Variants in IYD observed in about 807,000 individuals in gnomAD.
IYD encodes iodotyrosine deiodinase.
A neutral mutation model predicts 28.4 loss-of-function variants in IYD; 25 were observed. The observed-to-expected ratio is 0.88, with a 90% CI of 0.64 to 1.23. The LOEUF (loss-of-function observed/expected upper bound fraction) is 1.23. Ranked by LOEUF, IYD falls within the 50% of genes most tolerant of loss-of-function variation. IYD has a pLI of 0.00. For synonymous variants in IYD, 140 were observed against 130.8 expected, an observed-to-expected ratio of 1.07 and a Z score of -0.48; for missense variants, 352 against 357.9, an observed-to-expected ratio of 0.98 and a Z score of 0.13.
intron 2 of IYD, among the ~76,000 whole-genome samples, chr6:150,390,441 T>C (rs574949473): frequency 1.3e-5 from 2 of 152,322 alleles, no homozygotes; most frequent in African/African-American, 4.8e-5. Context: ...TGTTTAGAGA[T>C]ACAAATATTT....
In IYD at chr6:150,392,437, G is replaced by A; in HGVS notation, c.463G>A (p.Glu155Lys). The change falls in exon 3 of 5, where the codon GAG becomes AAG. Residue 155 changes from glutamate (E) to lysine (K), a missense_variant. Transcript: ENST00000344419. The stretch of plus-strand genomic sequence containing the variant: ...GCACAAGATTCGAAAGATCATTGAG[G>A]AGGAAGAGGAGATCAACTACATGAA... The part of the protein sequence containing the change: ...VKHKIRKIIE[E>K]EEEINYMKRM... The A allele has an allele frequency of 1.9e-6, 3 of 1,613,984 alleles. No homozygotes were observed. The East Asian group carries it at 6.7e-5, about 36-fold the overall frequency.
chr6:150,388,639 CTTTCTTTCT>C (rs1367479781), intron 1 of IYD, among the ~76,000 whole-genome samples: 2 of 48,706 alleles, frequency 4.1e-5, no homozygotes, highest in African/African-American at 1.0e-4. Flanking sequence ...TGCTTTCTTT[CTTTCTTTCT>C]TTCTTTCTTT....
chr6:150,398,194 A>C lies in IYD; in HGVS notation c.827A>C (p.Asp276Ala). The C allele has an allele frequency of 6.2e-7, 1 of 1,614,066 alleles. No homozygotes were observed. Among genetic ancestry groups the C allele is most frequent in the Non-Finnish European group, 8.5e-7 (1 of 1,180,000 alleles). Residue 276 changes from aspartate to alanine, a missense_variant, in exon 5 of 5, where the codon GAC (aspartate) becomes GCC (alanine). Coordinates refer to ENST00000344419, the MANE Select transcript of IYD (RefSeq NM_203395.3). Reference sequence around the variant, plus strand: ...CCCAGCAAGGAGGCCACGGTGCCTGACCTCAAGCGCAAACCTCTGGACCAG... The same window carrying C: ...CCCAGCAAGGAGGCCACGGTGCCTGCCCTCAAGCGCAAACCTCTGGACCAG... ...GYPSKEATVP[D>A]LKRKPLDQIM...
intron 1 of IYD, chr6:150,369,976 T>C (rs1216729801): frequency 1.4e-6 from 1 of 702,098 alleles, no homozygotes; most frequent in Non-Finnish European, 2.6e-6. Flanking sequence ...GGGAAGGTTA[T>C]GGCCACCTTG....
At chr6:150,369,905 G>C (rs1453640021) in intron 1 of IYD, 1 of 697,506 alleles carries the variant, frequency 1.4e-6, no homozygotes, top group South Asian at 1.5e-5. Context: ...AGGGGTAAGA[G>C]AGGAAGTGGA....
At chr6:150,388,982 G>C (rs751075410) in intron 1 of IYD, among the ~76,000 whole-genome samples, 1 of 152,066 alleles carries the variant, frequency 6.6e-6, no homozygotes. Context: ...GATTATAGGC[G>C]TAAGCCACCA....
At chr6:150,395,504 T>C (rs1363576317) in intron 4 of IYD, 1 of 1,537,336 alleles carries the variant, frequency 6.5e-7, no homozygotes, top group Non-Finnish European at 8.7e-7. Flanking sequence ...CACCGCCACC[T>C]GATTGAGGGT....
In IYD at chr6:150,392,355, G is replaced by C. The variant is rs151181823; in HGVS notation, c.381G>C (p.Pro127=). The C allele has an allele frequency of 6.2e-7, 1 of 1,613,360 alleles. No homozygotes were observed. Among genetic ancestry groups the C allele is most frequent in the Admixed American group, 1.7e-5 (1 of 60,022 alleles). The change falls in exon 3 of 5, where the codon CCG becomes CCC. Residue 127 remains proline, a synonymous_variant. Transcript: ENST00000344419. ...TGGAATGGGTGACAGGAACAGCCCCGAGTGGGGCTCACACAGAGCCCTGGA... is the reference window on the plus strand; with the variant it reads ...TGGAATGGGTGACAGGAACAGCCCCCAGTGGGGCTCACACAGAGCCCTGGA... ...DNVIRTAGTA[P]SGAHTEPWTF...
intron 1 of IYD, among the ~76,000 whole-genome samples, chr6:150,388,452 T>A (rs1348858393): frequency 6.6e-6 from 1 of 152,210 alleles, no homozygotes. Flanking sequence ...TCTTGCTATG[T>A]TGTAGGCTCA....
chr6:150,370,963 G>A (rs1002121786), intron 1 of IYD, among the ~76,000 whole-genome samples: 8 of 152,174 alleles, frequency 5.3e-5, no homozygotes, highest in Admixed American at 2.6e-4. Flanking sequence ...AGGGGCCCAG[G>A]CCACAGATAC....
rs139141527 is a variant in IYD, at chr6:150,377,550, A to G, written c.178+8341A>G. Among the ~76,000 whole-genome samples, 321 of 152,338 alleles carry G rather than the reference A, an allele frequency of 2.1e-3. 2 individuals are homozygous for G. The highest frequency in any genetic ancestry group is 6.8e-3 in the Middle Eastern group (2 of 294). On this transcript the variant is annotated intron_variant, in intron 1 of 4. Coordinates refer to ENST00000344419, the MANE Select transcript of IYD (RefSeq NM_203395.3). ...GGTGATGAGGATCATTTGTTTGACC[A>G]TTCCCTAGTCAGGGATAATGGTTAG... is the stretch of plus-strand genomic sequence containing the variant.
chr6:150,379,411 C>T lies in IYD; in HGVS notation c.179-9941C>T, dbSNP rs914184386. ...TGCTAAATATACTTGAATCCCCAGC[C>T]TCTTTCTTATTCCTCAAGTTTCACA... On this transcript the variant is annotated intron_variant, in intron 1 of 4. Coordinates refer to ENST00000344419, the MANE Select transcript of IYD (RefSeq NM_203395.3). Among the ~76,000 whole-genome samples the T allele has an allele frequency of 3.3e-5, 5 of 152,210 alleles. No homozygotes were observed. The South Asian group carries it at 8.3e-4, about 25-fold the overall frequency.
At chr6:150,390,841 C>T (rs1282276805) in intron 2 of IYD, among the ~76,000 whole-genome samples, 1 of 152,098 alleles carries the variant, frequency 6.6e-6, no homozygotes, top group African/African-American at 2.4e-5. Context: ...CGAAGCTTTG[C>T]CCTGGGACAC....
intron 4 of IYD, chr6:150,396,552 A>C (rs1453462582): frequency 3.0e-6 from 2 of 671,574 alleles, no homozygotes; most frequent in Non-Finnish European, 5.3e-6. Context: ...AAATGACACT[A>C]AATTAAGGTG....
At chr6:150,395,775 T>A in intron 4 of IYD, 1 of 663,194 alleles carries the variant, frequency 1.5e-6, no homozygotes, top group East Asian at 2.7e-5. Context: ...CCTGGTCAGG[T>A]TTAGAGGTGG....
intron 1 of IYD, among the ~76,000 whole-genome samples, chr6:150,382,144 C>T (rs909246201): frequency 6.6e-6 from 1 of 152,162 alleles, no homozygotes; most frequent in Non-Finnish European, 1.5e-5. Flanking sequence ...AGATCCCACC[C>T]CTCCCAGGAT....
chr6:150,397,983 G>A (rs1778385045), intron 4 of IYD, 72 bp from the exon 5 acceptor site: 10 of 1,421,998 alleles, frequency 7.0e-6, no homozygotes, highest in East Asian at 2.3e-5. Flanking sequence ...GGACAAGAAG[G>A]TCCCCAGGTT....
intron 1 of IYD, among the ~76,000 whole-genome samples, chr6:150,373,822 A>G (rs1398533930): frequency 6.6e-6 from 1 of 152,242 alleles, no homozygotes; most frequent in African/African-American, 2.4e-5. Flanking sequence ...AAGCAATGCA[A>G]TCAGCTTTGT....
intron 4 of IYD, among the ~76,000 whole-genome samples, 174 bp from the exon 5 acceptor site, chr6:150,397,881 G>A (rs1778381589): frequency 1.3e-5 from 2 of 151,970 alleles, no homozygotes; most frequent in Non-Finnish European, 2.9e-5. Flanking sequence ...GGAGATTGAT[G>A]GGGGCAGGGA....
Sources: allele counts gnomAD v4.1 joint callset (sites outside exome capture counted in the v4.1 genomes callset), GRCh38; gene constraint gnomAD v4.1.1; transcripts MANE v1.5; gene names NCBI Gene and HGNC (gene_info 2026-07-23, HGNC 2026-07-21).